INPP4B: variants seen among roughly 807,000 people sequenced by gnomAD.
INPP4B encodes inositol polyphosphate-4-phosphatase type II B.
Under a neutral mutation model 122.5 loss-of-function variants are expected in INPP4B, and 55 were observed. That is an observed-to-expected ratio of 0.45 (90% CI 0.36 to 0.56). The LOEUF (loss-of-function observed/expected upper bound fraction) is 0.56, where lower values mean the gene tolerates loss of function less well. INPP4B is among the 20% of genes least tolerant of loss of function. The pLI is 0.00. For synonymous variants in INPP4B, 403 were observed against 388.7 expected (o/e 1.04, Z -0.43); for missense variants, 1,000 against 1,097.7 (o/e 0.91, Z 1.26).
At chr4:142,334,254 T>C (rs1469509004) in intron 7 of INPP4B, among the ~76,000 whole-genome samples, 1 of 152,206 alleles carries the variant, frequency 6.6e-6, no homozygotes, top group Non-Finnish European at 1.5e-5. Flanking sequence ...CACACATACA[T>C]ATACTTGTAT....
intron 2 of INPP4B, among the ~76,000 whole-genome samples, chr4:142,640,920 A>G (rs749429036): frequency 1.4e-4 from 21 of 152,188 alleles, no homozygotes; most frequent in African/African-American, 2.2e-4. Flanking sequence ...AAGGCTTTGA[A>G]TCACAAATTT....
intron 1 of INPP4B, among the ~76,000 whole-genome samples, chr4:142,729,480 C>T (rs900576012): frequency 4.6e-5 from 7 of 151,122 alleles, no homozygotes; most frequent in African/African-American, 1.7e-4. Context: ...AGCTAGTGAA[C>T]CTTGGATCCT....
intron 16 of INPP4B, among the ~76,000 whole-genome samples, chr4:142,166,651 G>A (rs1822878874): frequency 6.6e-6 from 1 of 151,094 alleles, no homozygotes; most frequent in African/African-American, 2.4e-5. Flanking sequence ...TCTGACAAAG[G>A]TCTAATATCC....
At chr4:142,059,703 A>G (rs1294167915) in intron 25 of INPP4B, among the ~76,000 whole-genome samples, 1 of 152,138 alleles carries the variant, frequency 6.6e-6, no homozygotes, top group East Asian at 1.9e-4. Context: ...AGTCAACTAA[A>G]TCAACCAAGG....
chr4:142,382,234 C>T (rs1794364546), intron 7 of INPP4B, among the ~76,000 whole-genome samples: 2 of 152,002 alleles, frequency 1.3e-5, no homozygotes, highest in African/African-American at 2.4e-5. Flanking sequence ...TTCAGCTTGG[C>T]GCAGTGGTTT....
intron 15 of INPP4B, among the ~76,000 whole-genome samples, chr4:142,178,736 G>A (rs1829443694): frequency 6.6e-6 from 1 of 151,648 alleles, no homozygotes; most frequent in African/African-American, 2.4e-5. Flanking sequence ...ATGACTTAGA[G>A]TGGTGTGTCT....
intron 2 of INPP4B, among the ~76,000 whole-genome samples, chr4:142,615,751 C>T (rs1250081461): frequency 6.6e-6 from 1 of 152,036 alleles, no homozygotes; most frequent in Non-Finnish European, 1.5e-5. Context: ...CTGAGGTCCC[C>T]TTGGCCAAGA....
At chr4:142,830,053 C>A (rs1781935875) in intron 1 of INPP4B, among the ~76,000 whole-genome samples, 1 of 152,050 alleles carries the variant, frequency 6.6e-6, no homozygotes, top group Admixed American at 6.6e-5. Flanking sequence ...TATTGAAAGA[C>A]ACTGCAGAAG....
intron 14 of INPP4B, among the ~76,000 whole-genome samples, chr4:142,197,646 T>C (rs1277237823): frequency 6.6e-6 from 1 of 152,140 alleles, no homozygotes; most frequent in Non-Finnish European, 1.5e-5. Context: ...ATGGCAACAA[T>C]ATAGTAAGAT....
chr4:142,275,937 A>T (rs909433147), intron 9 of INPP4B, among the ~76,000 whole-genome samples: 1 of 151,642 alleles, frequency 6.6e-6, no homozygotes, highest in East Asian at 1.9e-4. Flanking sequence ...CTTTATTCTG[A>T]TCTCATTTTA....
intron 12 of INPP4B, 73 bp from the exon 13 acceptor site, chr4:142,209,099 T>C (rs1843766150): frequency 9.5e-7 from 1 of 1,057,310 alleles, no homozygotes; most frequent in South Asian, 2.6e-5. Flanking sequence ...TTAGTCAGAG[T>C]TGTCAAGATA....
intron 22 of INPP4B, among the ~76,000 whole-genome samples, chr4:142,109,134 C>T (rs1001443941): frequency 8.0e-5 from 9 of 111,810 alleles, no homozygotes; most frequent in African/African-American, 2.0e-4. Flanking sequence ...TCTCTGGTAA[C>T]CCTTCCTTTT....
At chr4:142,081,973 A>T in intron 25 of INPP4B, 58 bp downstream of exon 25, 1 of 1,272,378 alleles carries the variant, frequency 7.9e-7, no homozygotes, top group Non-Finnish European at 1.0e-6. Flanking sequence ...TGAAAAAAAA[A>T]ATAAAAACAA....
At chr4:142,766,455 G>C (rs970413152) in intron 1 of INPP4B, among the ~76,000 whole-genome samples, 1 of 151,674 alleles carries the variant, frequency 6.6e-6, no homozygotes. Context: ...CACAATCTTG[G>C]CTCACTGCAA....
intron 25 of INPP4B, among the ~76,000 whole-genome samples, chr4:142,060,117 C>T (rs746211481): frequency 7.2e-5 from 11 of 152,112 alleles, no homozygotes; most frequent in Non-Finnish European, 1.0e-4. Flanking sequence ...AGGAATCTCA[C>T]CCTGCCCAGT....
intron 2 of INPP4B, among the ~76,000 whole-genome samples, chr4:142,672,581 A>G (rs1320191346): frequency 1.3e-5 from 2 of 152,026 alleles, no homozygotes; most frequent in South Asian, 2.1e-4. Flanking sequence ...CTCTTTAAAT[A>G]TGTTTCTTTA....
At chr4:142,357,318 G>A (rs1004367385) in intron 7 of INPP4B, among the ~76,000 whole-genome samples, 1 of 151,894 alleles carries the variant, frequency 6.6e-6, no homozygotes, top group Non-Finnish European at 1.5e-5. Context: ...TTAACCTGTG[G>A]GGTCTTTGCT....
chr4:142,354,496 G>C (rs1020134176), intron 7 of INPP4B, among the ~76,000 whole-genome samples: 3 of 151,796 alleles, frequency 2.0e-5, no homozygotes, highest in African/African-American at 7.3e-5. Context: ...GGGCATTTAA[G>C]GAATAAACCG....
chr4:142,587,571 T>C (rs544057876), intron 2 of INPP4B, among the ~76,000 whole-genome samples: 24 of 152,246 alleles, frequency 1.6e-4, no homozygotes, highest in African/African-American at 5.3e-4. Flanking sequence ...AGTATGTGTA[T>C]ATACTTATGG....
Sources: allele counts gnomAD v4.1 joint callset (sites outside exome capture counted in the v4.1 genomes callset), GRCh38; gene constraint gnomAD v4.1.1; transcripts MANE v1.5; gene names NCBI Gene and HGNC (gene_info 2026-07-23, HGNC 2026-07-21).